The following TBC1D22A variants were observed in gnomAD, a reference collection of about 807,000 sequenced individuals.
TBC1D22A encodes the protein TBC1 domain family member 22A.
TBC1D22A carries 38 observed loss-of-function variants against 60.2 expected under a neutral mutation model. The ratio of observed to expected loss-of-function variants is 0.63; its 90% CI spans 0.49 to 0.83. The LOEUF (loss-of-function observed/expected upper bound fraction) is 0.83, where lower values mean the gene tolerates loss of function less well. Among genes scored for constraint, TBC1D22A ranks in the 40% least tolerant of loss-of-function variants. The probability of loss-of-function intolerance (pLI) is 0.00; values close to 1 mark genes in which losing one functional copy is unlikely to be tolerated. For synonymous variants in TBC1D22A, 302 were observed against 281.7 expected, an observed-to-expected ratio of 1.07 and a Z score of -0.72; for missense variants, 628 against 701.0, an observed-to-expected ratio of 0.90 and a Z score of 1.18.
chr22:47,132,708 C>T (rs573631842), intron 12 of TBC1D22A, among the ~76,000 whole-genome samples: 4 of 152,178 alleles, frequency 2.6e-5, no homozygotes, highest in African/African-American at 7.2e-5. Flanking sequence ...TGCCTTGTCC[C>T]GGGGGAGGCT....
chr22:47,162,017 T>C (rs889363087), intron 12 of TBC1D22A, among the ~76,000 whole-genome samples: 1 of 152,236 alleles, frequency 6.6e-6, no homozygotes, highest in South Asian at 2.1e-4. Context: ...TGTTCCTGTA[T>C]TTTGCCAGTT....
intron 8 of TBC1D22A, chr22:46,916,082 C>T (rs2070351088): frequency 2.5e-6 from 1 of 395,092 alleles, no homozygotes; most frequent in African/African-American, 2.1e-5. Context: ...TGTATTGCAA[C>T]CCCTCTGACA....
intron 5 of TBC1D22A, among the ~76,000 whole-genome samples, chr22:46,887,751 A>G (rs551741134): frequency 6.6e-6 from 1 of 152,290 alleles, no homozygotes; most frequent in East Asian, 1.9e-4. Context: ...GTATTGACGG[A>G]TGTGTTCAGT....
chr22:47,020,203 A>C (rs1288599185), intron 10 of TBC1D22A, among the ~76,000 whole-genome samples: 1 of 152,172 alleles, frequency 6.6e-6, no homozygotes, highest in Non-Finnish European at 1.5e-5. Flanking sequence ...GCAAACCACC[A>C]AGGCCACTAA....
intron 11 of TBC1D22A, among the ~76,000 whole-genome samples, chr22:47,038,711 G>A (rs901915686): frequency 6.6e-6 from 1 of 152,198 alleles, no homozygotes; most frequent in Non-Finnish European, 1.5e-5. Flanking sequence ...TTCTGACTTT[G>A]CTTTTCCTTT....
chr22:47,076,954 A>G (rs2147539834), intron 11 of TBC1D22A, among the ~76,000 whole-genome samples: 1 of 152,300 alleles, frequency 6.6e-6, no homozygotes, highest in East Asian at 1.9e-4. Context: ...TATCCCAGCT[A>G]GCAGGAAAGA....
chr22:47,100,591 C>T (rs777477409), intron 11 of TBC1D22A, among the ~76,000 whole-genome samples: 12 of 152,232 alleles, frequency 7.9e-5, no homozygotes, highest in South Asian at 6.2e-4. Context: ...TCCTGAGATC[C>T]GATGGTTTTA....
intron 11 of TBC1D22A, among the ~76,000 whole-genome samples, chr22:47,057,033 C>T (rs546277384): frequency 6.6e-6 from 1 of 152,344 alleles, no homozygotes; most frequent in African/African-American, 2.4e-5. Context: ...CCCGTGAGGT[C>T]AGCCCACCTG....
chr22:47,109,327 T>A (rs2065758792), intron 11 of TBC1D22A, among the ~76,000 whole-genome samples: 1 of 152,170 alleles, frequency 6.6e-6, no homozygotes, highest in African/African-American at 2.4e-5. Context: ...ATTGATAGAT[T>A]ATAAGCAGAC....
At chr22:46,827,885 G>A (rs1472156908) in intron 4 of TBC1D22A, among the ~76,000 whole-genome samples, 1 of 152,238 alleles carries the variant, frequency 6.6e-6, no homozygotes, top group Non-Finnish European at 1.5e-5. Context: ...CACGTGAGCA[G>A]CGTTAAGGCC....
intron 12 of TBC1D22A, among the ~76,000 whole-genome samples, chr22:47,134,404 A>G (rs2066784156): frequency 6.6e-6 from 1 of 152,236 alleles, no homozygotes; most frequent in Non-Finnish European, 1.5e-5. Flanking sequence ...CCAGGGTGGA[A>G]GGAAGGCGGG....
chr22:47,033,333 A>G (rs1295490785), intron 10 of TBC1D22A, among the ~76,000 whole-genome samples: 2 of 152,240 alleles, frequency 1.3e-5, no homozygotes, highest in Non-Finnish European at 2.9e-5. Context: ...GTCATGTTCT[A>G]GGGTGTGGCT....
intron 9 of TBC1D22A, among the ~76,000 whole-genome samples, chr22:46,996,023 G>A (rs540135107): frequency 3.0e-4 from 46 of 152,284 alleles, no homozygotes; most frequent in African/African-American, 9.9e-4. Flanking sequence ...GACCTGCCCC[G>A]CTGCCACGCA....
chr22:47,037,059 T>C lies in TBC1D22A; in HGVS notation c.1202-12T>C. On this transcript the variant is annotated splice_polypyrimidine_tract_variant and intron_variant, in intron 10 of 12. Coordinates refer to ENST00000337137, the MANE Select transcript of TBC1D22A (RefSeq NM_014346.5). ...CCCTGACAGCCTTGGGGCCTGTGTT[T>C]GTTTTGTGCAGAGCAAGTGCACCGG... 1 of 1,613,192 alleles carries C rather than the reference T, an allele frequency of 6.2e-7. No homozygotes were observed. Among genetic ancestry groups the C allele is most frequent in the Non-Finnish European group, 8.5e-7 (1 of 1,179,462 alleles).
chr22:46,912,802 G>T (rs538103433), intron 8 of TBC1D22A, among the ~76,000 whole-genome samples: 3 of 152,108 alleles, frequency 2.0e-5, no homozygotes, highest in Non-Finnish European at 4.4e-5. Flanking sequence ...TGATCTGCCC[G>T]CCTTCGCCTC....
chr22:47,087,808 G>A (rs1259356585), intron 11 of TBC1D22A, among the ~76,000 whole-genome samples: 1 of 152,136 alleles, frequency 6.6e-6, no homozygotes, highest in Non-Finnish European at 1.5e-5. Context: ...AGGCGTGGTG[G>A]CTCATGCCTG....
At chr22:46,792,366 C>T (rs898320419) in intron 1 of TBC1D22A, among the ~76,000 whole-genome samples, 154 bp from the exon 2 acceptor site, 6 of 152,142 alleles carry the variant, frequency 3.9e-5, no homozygotes, top group East Asian at 3.9e-4. Flanking sequence ...CCCTCAGGAC[C>T]CCGGGTGGCT....
intron 5 of TBC1D22A, among the ~76,000 whole-genome samples, chr22:46,885,081 G>A (rs2068044101): frequency 6.6e-6 from 1 of 152,242 alleles, no homozygotes. Context: ...AGGACCGTGG[G>A]GTCTTTGTCC....
At position 46,913,251 on chromosome 22, in the gene TBC1D22A, C is replaced by T. The variant is rs552257416; in HGVS notation, c.1015+1063C>T. 24 of 1,044,828 alleles carry T rather than the reference C, an allele frequency of 2.3e-5. 1 individual carries two copies. The South Asian group carries it at 3.1e-4, about 14-fold the overall frequency. 64.7% of individuals were successfully genotyped at this position (1,044,828 alleles called of 1,614,324 possible). A position where few individuals can be genotyped will look rare whatever the true frequency, so the allele number is the denominator to read the frequency against. ...AGGGGACTTTACTGTTTAGTCACAG[C>T]ATTTTAATTTAAACCTGGTTTTGTC... is the stretch of plus-strand genomic sequence containing the variant. On this transcript the variant is annotated intron_variant, in intron 8 of 12. Coordinates refer to ENST00000337137, the MANE Select transcript of TBC1D22A (RefSeq NM_014346.5).
Sources: allele counts gnomAD v4.1 joint callset (sites outside exome capture counted in the v4.1 genomes callset), GRCh38; gene constraint gnomAD v4.1.1; transcripts MANE v1.5; gene names NCBI Gene and HGNC (gene_info 2026-07-23, HGNC 2026-07-21).